The following MSH3 variants were observed in gnomAD, a reference collection of about 807,000 sequenced individuals.
MSH3 encodes the protein DNA mismatch repair protein Msh3.
In MSH3, 106 loss-of-function variants were observed where a neutral mutation model predicts 123.3. The ratio of observed to expected loss-of-function variants is 0.86; its 90% CI spans 0.73 to 1.01. The LOEUF is 1.01. Among genes scored for constraint, MSH3 ranks in the 50% least tolerant of loss-of-function variants. The probability of loss-of-function intolerance (pLI) is 0.00; values close to 1 mark genes in which losing one functional copy is unlikely to be tolerated. For synonymous variants in MSH3, 515 were observed against 481.4 expected (o/e 1.07, Z -0.91); for missense variants, 1,459 against 1,347.6 (o/e 1.08, Z -1.29).
At chr5:80,836,121 A>C (rs1339999608) in intron 20 of MSH3, among the ~76,000 whole-genome samples, 1 of 152,202 alleles carries the variant, frequency 6.6e-6, no homozygotes, top group South Asian at 2.1e-4. Flanking sequence ...AATACTGTAC[A>C]AGGATATCGT....
At chr5:80,828,200 A>AT (rs1353811549) in intron 20 of MSH3, among the ~76,000 whole-genome samples, 4 of 152,234 alleles carry the variant, frequency 2.6e-5, no homozygotes, top group Non-Finnish European at 4.4e-5. Context: ...TTACTGCCTC[A>AT]TAAAATGGCA....
intron 19 of MSH3, among the ~76,000 whole-genome samples, chr5:80,806,761 T>A (rs1439025618): frequency 6.6e-6 from 1 of 152,086 alleles, no homozygotes; most frequent in Non-Finnish European, 1.5e-5. Flanking sequence ...GGGAAAAAAA[T>A]TGAGATTTGT....
chr5:80,728,194 T>C (rs972512054), intron 9 of MSH3, among the ~76,000 whole-genome samples: 15 of 152,130 alleles, frequency 9.9e-5, no homozygotes, highest in African/African-American at 3.1e-4. Context: ...TGATCTGATA[T>C]ACATTTTAAA....
At chr5:80,851,005 A>G (rs1745821606) in intron 20 of MSH3, among the ~76,000 whole-genome samples, 1 of 152,148 alleles carries the variant, frequency 6.6e-6, no homozygotes, top group African/African-American at 2.4e-5. Context: ...CTCATTTTTT[A>G]ACATTCACTA....
intron 8 of MSH3, among the ~76,000 whole-genome samples, chr5:80,705,194 C>T (rs1484258508): frequency 6.6e-6 from 1 of 152,200 alleles, no homozygotes; most frequent in Non-Finnish European, 1.5e-5. Context: ...ATTTTTGTCA[C>T]ATCTGTCTTT....
chr5:80,801,746 GC>G (rs779305685), intron 19 of MSH3, among the ~76,000 whole-genome samples: 1 of 152,028 alleles, frequency 6.6e-6, no homozygotes, highest in Non-Finnish European at 1.5e-5. Flanking sequence ...TCCACCCAGG[GC>G]CACATATTCA....
chr5:80,711,069 G>A (rs1750849081), intron 8 of MSH3, among the ~76,000 whole-genome samples: 1 of 152,086 alleles, frequency 6.6e-6, no homozygotes, highest in Non-Finnish European at 1.5e-5. Flanking sequence ...AGAAGCAAAG[G>A]TATAATCAAA....
chr5:80,687,340 G>A lies in MSH3; in HGVS notation c.1340+8247G>A, dbSNP rs530532112. On this transcript the variant is annotated intron_variant, in intron 8 of 23. Transcript: ENST00000265081. Reference sequence around the variant, plus strand: ...TTGCTTTAGCTTAGAAATGTTGTATGTTTATAGAAATGGTTGAGAGGAAAG... The same window carrying A: ...TTGCTTTAGCTTAGAAATGTTGTATATTTATAGAAATGGTTGAGAGGAAAG... Among the ~76,000 whole-genome samples the A allele has an allele frequency of 7.9e-5, 12 of 152,300 alleles. No homozygotes were observed. In the South Asian group the frequency reaches 2.5e-3, roughly 32 times the overall value.
intron 9 of MSH3, among the ~76,000 whole-genome samples, chr5:80,726,641 A>AT (rs923625350): frequency 4.6e-5 from 7 of 151,650 alleles, no homozygotes; most frequent in South Asian, 2.1e-4. Flanking sequence ...TAATTTTTGT[A>AT]TTTTTTTTGT....
chr5:80,821,058 G>A (rs1745196561), intron 20 of MSH3, among the ~76,000 whole-genome samples: 1 of 152,132 alleles, frequency 6.6e-6, no homozygotes, highest in African/African-American at 2.4e-5. Context: ...ATATTTCAGG[G>A]TGTTGTCATG....
At chr5:80,811,424 G>T (rs1046119353) in intron 19 of MSH3, among the ~76,000 whole-genome samples, 1 of 151,996 alleles carries the variant, frequency 6.6e-6, no homozygotes, top group Admixed American at 6.6e-5. Flanking sequence ...TTCCTCAAAA[G>T]CTCTAAATGG....
At chr5:80,862,657 A>G (rs888193807) in intron 21 of MSH3, among the ~76,000 whole-genome samples, 12 of 151,966 alleles carry the variant, frequency 7.9e-5, no homozygotes, top group African/African-American at 2.4e-4. Flanking sequence ...CTACTTGGGA[A>G]GTTGAGGTGG....
chr5:80,714,228 C>T (rs932337550), intron 8 of MSH3, among the ~76,000 whole-genome samples: 2 of 150,692 alleles, frequency 1.3e-5, no homozygotes, highest in South Asian at 2.1e-4. Flanking sequence ...CTCCGCCTCC[C>T]GGGTTCAAGC....
rs761607646 is a variant in MSH3, at chr5:80,654,883, A to G, written c.156A>G (p.Ala52=). The G allele has an allele frequency of 2.3e-6, 2 of 852,932 alleles. No individual in the cohort carries two copies. Among genetic ancestry groups the G allele is most frequent in the East Asian group, 2.7e-5 (1 of 36,600 alleles). The allele number at this position is 852,932 out of a possible 1,614,324, so 52.8% of individuals were successfully genotyped here. A position where few individuals can be genotyped will look rare whatever the true frequency, so the allele number is the denominator to read the frequency against. The part of the protein sequence containing the change: ...GAADQVDPGA[A]AAAAAAAAAA... ...CCGACCAGGTGGACCCTGGCGCTGC[A>G]GCGGCTGCAGCGGCCGCAGCGGCCG... The change falls in exon 1 of 24, where the codon GCA becomes GCG. Residue 52 remains alanine (A), a synonymous_variant. Transcript: ENST00000265081.
At chr5:80,770,086 G>T (rs1287653475) in intron 15 of MSH3, among the ~76,000 whole-genome samples, 2 of 152,090 alleles carry the variant, frequency 1.3e-5, no homozygotes, top group Non-Finnish European at 2.9e-5. Context: ...TTTATTGTCT[G>T]AACAGACAAA....
chr5:80,873,001 A>G (rs765523427), intron 22 of MSH3, 115 bp from the exon 23 acceptor site: 143 of 939,488 alleles, frequency 1.5e-4, no homozygotes, highest in Non-Finnish European at 2.2e-4. Context: ...AAGTAGGAAC[A>G]GTGATTTCAG....
intron 20 of MSH3, among the ~76,000 whole-genome samples, chr5:80,816,577 G>T (rs1745105573): frequency 6.6e-6 from 1 of 152,158 alleles, no homozygotes; most frequent in Non-Finnish European, 1.5e-5. Flanking sequence ...GTCTGCATTG[G>T]TTACACTGTA....
At chr5:80,705,977 C>A (rs139939135) in intron 8 of MSH3, among the ~76,000 whole-genome samples, 168 of 152,204 alleles carry the variant, frequency 1.1e-3, no homozygotes, top group African/African-American at 3.9e-3. Context: ...TAACATAGGG[C>A]GAGGACATTC....
chr5:80,865,120 C>G (rs1226258515), intron 22 of MSH3, among the ~76,000 whole-genome samples, 178 bp downstream of exon 22: 1 of 152,168 alleles, frequency 6.6e-6, no homozygotes, highest in East Asian at 1.9e-4. Flanking sequence ...TAGATTTATC[C>G]TTGCTATCTC....
Sources: gnomAD v4.1 joint callset for allele counts (sites outside exome capture counted in the v4.1 genomes callset) on GRCh38, gnomAD v4.1.1 for gene constraint, MANE v1.5 for transcripts, NCBI Gene and HGNC (gene_info 2026-07-23, HGNC 2026-07-21) for gene names.